The following SLAIN2 variants were observed in gnomAD, a reference collection of about 807,000 sequenced individuals.
The protein encoded by SLAIN2 is SLAIN family member 2, also known as SLAIN motif-containing protein 2.
In SLAIN2, 31 loss-of-function variants were observed where a neutral mutation model predicts 56.6. That is an observed-to-expected ratio of 0.55 (90% CI 0.41 to 0.74). The LOEUF (loss-of-function observed/expected upper bound fraction) is 0.74. Among genes scored for constraint, SLAIN2 ranks in the 30% least tolerant of loss-of-function variants. SLAIN2 has a pLI of 0.00. For missense variants in SLAIN2, 777 were observed against 754.2 expected (o/e 1.03, Z -0.35); for synonymous variants, 317 against 284.9 (o/e 1.11, Z -1.13).
chr4:48,377,969 CAGT>C lies in SLAIN2; in HGVS notation c.615_617del (p.Ser206del), dbSNP rs1395869508. 1 of 1,613,892 alleles carries C rather than the reference CAGT, an allele frequency of 6.2e-7. No homozygotes were observed. The highest frequency in any genetic ancestry group is 1.7e-5 in the Admixed American group (1 of 60,020). On this transcript the variant is annotated inframe_deletion, in exon 3 of 8. Transcript: ENST00000264313. The stretch of plus-strand genomic sequence containing the variant: ...ACACCAGTCCTTACAGTCCAAATGC[CAGT>C]AGCCCATACAGCAGTGGCTTCAATT...
chr4:48,380,815 T>A lies in SLAIN2; in HGVS notation c.862+967T>A, dbSNP rs534501046. Among the ~76,000 whole-genome samples, 17 of 152,272 alleles carry A rather than the reference T, an allele frequency of 1.1e-4. No individual in the cohort carries two copies. In the South Asian group the frequency reaches 3.1e-3, roughly 28 times the overall value. On this transcript the variant is annotated intron_variant, in intron 4 of 7. Coordinates refer to ENST00000264313, the MANE Select transcript of SLAIN2 (RefSeq NM_020846.2). Reference sequence around the variant, plus strand: ...CATTGCTACGGTTTAGTTCAAAAACTTTCTGTTGTCTGTGTATGTAATAGG... The same window carrying A: ...CATTGCTACGGTTTAGTTCAAAAACATTCTGTTGTCTGTGTATGTAATAGG...
Position 48,423,533 on chromosome 4 carries a change from C to T in SLAIN2, c.*1456C>T, listed in dbSNP as rs769917805. ...AAGTTCATTTCCTGTTAATCAAAGACATTCCGTAAGTTGGCAAAAGAAATT... is the reference window on the plus strand; with the variant it reads ...AAGTTCATTTCCTGTTAATCAAAGATATTCCGTAAGTTGGCAAAAGAAATT... On this transcript the variant is annotated 3_prime_UTR_variant, in exon 8 of 8. Transcript: ENST00000264313. 1 of 152,134 alleles carries T rather than the reference C, an allele frequency of 6.6e-6. No individual in the cohort carries two copies. Among genetic ancestry groups the T allele is most frequent in the Non-Finnish European group, 1.5e-5 (1 of 68,038 alleles). The allele number at this position is 152,134 out of a possible 1,614,324, so 9.4% of individuals were successfully genotyped here.
chr4:48,420,492 A>G (rs774381657), intron 7 of SLAIN2, 49 bp downstream of exon 7: 7 of 1,585,824 alleles, frequency 4.4e-6, no homozygotes, highest in South Asian at 1.1e-5. Context: ...CTGAAAGTGG[A>G]TAGACTGGAA....
chr4:48,408,052 C>A (rs1716745501), intron 6 of SLAIN2, among the ~76,000 whole-genome samples: 1 of 152,098 alleles, frequency 6.6e-6, no homozygotes, highest in African/African-American at 2.4e-5. Context: ...AACAGAGTTT[C>A]AGGGCCAGGC....
In SLAIN2 at chr4:48,423,200, CTG is replaced by C. The variant is rs1229772850; in HGVS notation, c.*1125_*1126del. On this transcript the variant is annotated 3_prime_UTR_variant, in exon 8 of 8. Coordinates refer to ENST00000264313, the MANE Select transcript of SLAIN2 (RefSeq NM_020846.2). ...AGTTGATCCACTTTAAACTGAGTAA[CTG>C]TATAAAACATCTATTGAAAATTCTT... The C allele has an allele frequency of 6.6e-6, 1 of 152,104 alleles. No homozygotes were observed. The highest frequency in any genetic ancestry group is 2.4e-5 in the African/African-American group (1 of 41,420). 9.4% of individuals were successfully genotyped at this position (152,104 alleles called of 1,614,324 possible). A position where few individuals can be genotyped will look rare whatever the true frequency, so the allele number is the denominator to read the frequency against.
intron 6 of SLAIN2, among the ~76,000 whole-genome samples, chr4:48,410,851 T>G (rs1339920547): frequency 6.6e-6 from 1 of 152,202 alleles, no homozygotes; most frequent in Non-Finnish European, 1.5e-5. Flanking sequence ...CACATCTTCA[T>G]TCGGGGCTTA....
At chr4:48,368,069 G>GTT (rs1320121365) in intron 1 of SLAIN2, among the ~76,000 whole-genome samples, 1 of 13,926 alleles carries the variant, frequency 7.2e-5, no homozygotes, top group Non-Finnish European at 1.2e-4. Flanking sequence ...TTTTTTGACA[G>GTT]TGTTGCTCTG....
chr4:48,389,266 TTGAATGCCCTTGG>T (rs1229224757), intron 6 of SLAIN2, among the ~76,000 whole-genome samples: 2 of 152,224 alleles, frequency 1.3e-5, no homozygotes, highest in Non-Finnish European at 2.9e-5. Context: ...GAAATTTTGA[TTGAATGCCCTTGG>T]GATAGGGACC....
chr4:48,350,093 A>G (rs868436720), intron 1 of SLAIN2, among the ~76,000 whole-genome samples: 1 of 152,256 alleles, frequency 6.6e-6, no homozygotes, highest in African/African-American at 2.4e-5. Flanking sequence ...CATTTATCAG[A>G]TCTACCTAAA....
chr4:48,420,322 A>G lies in SLAIN2; in HGVS notation c.1558A>G (p.Ser520Gly). 1.2e-6 allele frequency: 2 copies of G among 1,613,998 alleles called. No homozygotes were observed. The highest frequency in any genetic ancestry group is 1.7e-6 in the Non-Finnish European group (2 of 1,179,882). ...VSANPPSNIN[S>G]ATLTRPAGTT... The stretch of plus-strand genomic sequence containing the variant: ...AGCAAATCCTCCCAGCAATATCAAC[A>G]GCGCTACTCTAACCAGACCTGCAGG... The change falls in exon 7 of 8, where the codon AGC becomes GGC. Residue 520 changes from serine to glycine, a missense_variant. Transcript: ENST00000264313.
chr4:48,369,199 A>T (rs953934086), intron 1 of SLAIN2, among the ~76,000 whole-genome samples: 1 of 152,204 alleles, frequency 6.6e-6, no homozygotes, highest in African/African-American at 2.4e-5. Context: ...TCTGAGAAAC[A>T]TGAAGTAGAA....
intron 2 of SLAIN2, among the ~76,000 whole-genome samples, chr4:48,373,036 T>A (rs1715711598): frequency 6.6e-6 from 1 of 152,214 alleles, no homozygotes; most frequent in Admixed American, 6.5e-5. Context: ...CTTGTTTTTT[T>A]TGACAGTGTA....
rs1353219974 is a variant in SLAIN2 at position 48,341,801 on chromosome 4, TGAAGAAGCTGGA to T, written c.67_78del (p.Lys23_Lys26del). 4 of 1,533,196 alleles carry T rather than the reference TGAAGAAGCTGGA, an allele frequency of 2.6e-6. No homozygotes were observed. The South Asian group carries it at 4.9e-5, about 19-fold the overall frequency. 95.0% of individuals were successfully genotyped at this position (1,533,196 alleles called of 1,614,324 possible). A position where few individuals can be genotyped will look rare whatever the true frequency, so the allele number is the denominator to read the frequency against. On this transcript the variant is annotated inframe_deletion, in exon 1 of 8. Transcript: ENST00000264313. ...GAGGTGCGGAAGCTGCAGGAGCTGG[TGAAGAAGCTGGA>T]GAAGCAGAACGAACAGCTGAGGAGC...
chr4:48,344,565 A>T (rs2109729638), intron 1 of SLAIN2, among the ~76,000 whole-genome samples: 1 of 152,306 alleles, frequency 6.6e-6, no homozygotes, highest in Admixed American at 6.5e-5. Flanking sequence ...GCTCCTGGAG[A>T]TGCTAATGTG....
chr4:48,370,119 AT>A (rs1715625381), intron 2 of SLAIN2, 122 bp downstream of exon 2: 1 of 950,326 alleles, frequency 1.1e-6, no homozygotes, highest in Non-Finnish European at 1.5e-6. Context: ...CTCATTGTTC[AT>A]ATCATCATGA....
At chr4:48,394,569 T>A in intron 6 of SLAIN2, 1 of 1,535,704 alleles carries the variant, frequency 6.5e-7, no homozygotes, top group Non-Finnish European at 8.7e-7. Context: ...TCCTTATTTT[T>A]CAACAGCTTC....
intron 1 of SLAIN2, among the ~76,000 whole-genome samples, chr4:48,363,099 A>AT (rs1342844759): frequency 2.4e-5 from 1 of 41,914 alleles, no homozygotes; most frequent in African/African-American, 7.7e-5. Flanking sequence ...GATCAACAGG[A>AT]TCCCAAGGCA....
At chr4:48,393,820 C>T (rs1716294889) in intron 6 of SLAIN2, among the ~76,000 whole-genome samples, 1 of 152,028 alleles carries the variant, frequency 6.6e-6, no homozygotes, top group Admixed American at 6.6e-5. Context: ...TTGGATGGCC[C>T]TGAGCTGCTG....
intron 1 of SLAIN2, among the ~76,000 whole-genome samples, chr4:48,343,373 AAAAC>A (rs1239828965): frequency 1.3e-5 from 2 of 152,250 alleles, no homozygotes; most frequent in African/African-American, 2.4e-5. Flanking sequence ...TAAACTGTCT[AAAAC>A]AAGCTGCTAT....
Sources: gnomAD v4.1 joint callset for allele counts (sites outside exome capture counted in the v4.1 genomes callset) on GRCh38, gnomAD v4.1.1 for gene constraint, MANE v1.5 for transcripts, NCBI Gene and HGNC (gene_info 2026-07-23, HGNC 2026-07-21) for gene names.